Variants in TTC29 observed in about 807,000 individuals in gnomAD.
TTC29 encodes tetratricopeptide repeat domain 29.
TTC29 carries 49 observed loss-of-function variants against 58.1 expected under a neutral mutation model. That is an observed-to-expected ratio of 0.84 (90% confidence interval 0.67 to 1.07). The LOEUF (loss-of-function observed/expected upper bound fraction) is 1.07. Ranked by LOEUF, TTC29 falls within the 50% of genes least tolerant of loss-of-function variation. The pLI is 0.00. For synonymous variants in TTC29, 209 were observed against 196.8 expected (o/e 1.06, Z -0.52); for missense variants, 582 against 555.6 (o/e 1.05, Z -0.48).
At chr4:146,867,709 CA>C in intron 7 of TTC29, 126 bp from the exon 8 acceptor site, 1 of 479,304 alleles carries the variant, frequency 2.1e-6, no homozygotes, top group Non-Finnish European at 3.7e-6. Context: ...CAATAATCCC[CA>C]AAACCTAGCT....
At chr4:146,932,463 A>C (rs1735412012) in intron 4 of TTC29, among the ~76,000 whole-genome samples, 1 of 152,236 alleles carries the variant, frequency 6.6e-6, no homozygotes, top group African/African-American at 2.4e-5. Flanking sequence ...AATGAAGCAG[A>C]GGAAGAGCAC....
chr4:146,785,505 C>T (rs1213273086), intron 11 of TTC29, among the ~76,000 whole-genome samples: 2 of 152,176 alleles, frequency 1.3e-5, no homozygotes, highest in African/African-American at 2.4e-5. Context: ...ATTGTTAATA[C>T]ATTTTCTTCT....
intron 8 of TTC29, among the ~76,000 whole-genome samples, chr4:146,859,335 T>C (rs74804235): frequency 0.025 from 3,800 of 152,284 alleles, 75 homozygotes; most frequent in South Asian, 0.099. Context: ...ATTCCTCCTT[T>C]GCCTTGGTTT....
At chr4:146,911,218 G>T (rs183662697) in intron 4 of TTC29, among the ~76,000 whole-genome samples, 151 of 152,290 alleles carry the variant, frequency 9.9e-4, no homozygotes, top group African/African-American at 3.5e-3. Flanking sequence ...AATGGTATAG[G>T]AGAAGGGACT....
rs1002470414 is a variant in TTC29, at chr4:146,916,011, T to C, written c.177-6762A>G. On this transcript the variant is annotated intron_variant, in intron 4 of 12. Transcript: ENST00000325106. ...GAGTGGGTTATCCATGTGTCAGTTA[T>C]AACAGTTTTACATTCATATGGTAGG... Among the ~76,000 whole-genome samples, 4 of 152,052 alleles carry C rather than the reference T, an allele frequency of 2.6e-5. No individual in the cohort carries two copies. In the East Asian group the frequency reaches 7.7e-4, roughly 29 times the overall value.
chr4:146,940,018 T>C, intron 2 of TTC29, 117 bp from the exon 3 acceptor site: 1 of 901,250 alleles, frequency 1.1e-6, no homozygotes. Flanking sequence ...CTATGTGTAG[T>C]GCTACAGCTG....
intron 11 of TTC29, among the ~76,000 whole-genome samples, chr4:146,753,890 G>T (rs895533423): frequency 1.3e-5 from 2 of 151,016 alleles, no homozygotes; most frequent in African/African-American, 2.4e-5. Context: ...AACATCACAC[G>T]CCAGGGACTG....
chr4:146,908,275 C>G (rs545027003), intron 5 of TTC29, among the ~76,000 whole-genome samples: 3 of 152,136 alleles, frequency 2.0e-5, no homozygotes, highest in Admixed American at 6.5e-5. Context: ...ATTTAGAATA[C>G]CAAATTTACA....
At chr4:146,804,268 C>G (rs1750441555) in intron 10 of TTC29, among the ~76,000 whole-genome samples, 1 of 152,148 alleles carries the variant, frequency 6.6e-6, no homozygotes, top group South Asian at 2.1e-4. Context: ...AGGAGATTCC[C>G]TCTGGTGCCT....
At chr4:146,749,155 C>CAA (rs56106504) in intron 11 of TTC29, among the ~76,000 whole-genome samples, 71 of 116,774 alleles carry the variant, frequency 6.1e-4, no homozygotes, top group African/African-American at 1.4e-3. Flanking sequence ...CCATTTCTAC[C>CAA]AAAAAAAAAA....
At chr4:146,942,667 A>G in intron 2 of TTC29, 2 of 1,522,512 alleles carry the variant, frequency 1.3e-6, no homozygotes, top group Non-Finnish European at 8.8e-7. Context: ...TAAGTTCTTA[A>G]CCCACACCAG....
chr4:146,789,964 C>A (rs1749308187), intron 11 of TTC29, among the ~76,000 whole-genome samples: 1 of 152,028 alleles, frequency 6.6e-6, no homozygotes, highest in Non-Finnish European at 1.5e-5. Context: ...AACTGGCTTC[C>A]CCTCAAACTT....
At chr4:146,916,865 A>T (rs1311359186) in intron 4 of TTC29, among the ~76,000 whole-genome samples, 1 of 151,534 alleles carries the variant, frequency 6.6e-6, no homozygotes, top group Non-Finnish European at 1.5e-5. Context: ...CAGTTAACAA[A>T]TATTCAACTG....
chr4:146,928,430 A>G (rs1735083375), intron 4 of TTC29, among the ~76,000 whole-genome samples: 1 of 152,228 alleles, frequency 6.6e-6, no homozygotes, highest in Admixed American at 6.5e-5. Flanking sequence ...TACAAATATT[A>G]GTCATTACTA....
chr4:146,863,295 T>A (rs992186366), intron 8 of TTC29, among the ~76,000 whole-genome samples: 4 of 152,160 alleles, frequency 2.6e-5, no homozygotes, highest in South Asian at 2.1e-4. Flanking sequence ...AAACCATCTA[T>A]TCTATGTTCC....
chr4:146,862,726 T>A (rs1435937060), intron 8 of TTC29, among the ~76,000 whole-genome samples: 1 of 152,164 alleles, frequency 6.6e-6, no homozygotes, highest in African/African-American at 2.4e-5. Context: ...TTTTCCCAAC[T>A]GCAAAGGCTA....
chr4:146,816,024 A>G (rs960976223), intron 10 of TTC29, among the ~76,000 whole-genome samples: 8 of 152,188 alleles, frequency 5.3e-5, no homozygotes, highest in Non-Finnish European at 1.2e-4. Context: ...ATATCTCAGC[A>G]ATGTGTATTT....
chr4:146,713,518 G>T (rs990210336), intron 11 of TTC29, among the ~76,000 whole-genome samples: 10 of 152,154 alleles, frequency 6.6e-5, no homozygotes, highest in African/African-American at 2.2e-4. Flanking sequence ...TAGAAATCAT[G>T]ATGTGGTAAT....
rs1327907952 is a variant in TTC29 at position 146,940,758 on chromosome 4, A to G, written c.-6-857T>C. ...CTCCCTCACATCATGGCAACCTAAG[A>G]CTTCTTATATAGCAGCTCCAGGCTC... On this transcript the variant is annotated intron_variant, in intron 2 of 12. Coordinates refer to ENST00000325106, the MANE Select transcript of TTC29 (RefSeq NM_031956.4). Among the ~76,000 whole-genome samples, 8 of 152,186 alleles carry G rather than the reference A, an allele frequency of 5.3e-5. 1 individual carries two copies. The highest frequency in any genetic ancestry group is 5.2e-4 in the Admixed American group (8 of 15,272).
Sources: gnomAD v4.1 joint callset for allele counts (sites outside exome capture counted in the v4.1 genomes callset) on GRCh38, gnomAD v4.1.1 for gene constraint, MANE v1.5 for transcripts, NCBI Gene and HGNC (gene_info 2026-07-23, HGNC 2026-07-21) for gene names.